PPARD: variants seen among roughly 807,000 people sequenced by gnomAD.
The protein encoded by PPARD is peroxisome proliferator-activated receptor delta.
PPARD carries 6 observed loss-of-function variants against 39.5 expected under a neutral mutation model. That is an observed-to-expected ratio of 0.15 (90% CI 0.08 to 0.30). The LOEUF (loss-of-function observed/expected upper bound fraction) is 0.30, where lower values mean the gene tolerates loss of function less well. Among genes scored for constraint, PPARD ranks in the 10% least tolerant of loss-of-function variants. PPARD has a pLI of 1.00. For missense variants in PPARD, 397 were observed against 596.8 expected (o/e 0.67, Z 3.49); for synonymous variants, 210 against 231.3 (o/e 0.91, Z 0.83).
In PPARD at chr6:35,411,034, C is replaced by T. The variant is rs201208157; in HGVS notation, c.-54C>T. On this transcript the variant is annotated 5_prime_UTR_variant, in exon 3 of 8. In the 5' UTR this introduces an upstream ATG that the reference lacks. Transcript: ENST00000360694. ...AGGTCCATCTGCGTTCAGACCCAGA[C>T]GATGCCAGAGCTATGACTGGGCCTG... 3.9e-5 allele frequency: 55 copies of T among 1,422,356 alleles called. No individual in the cohort carries two copies. The Middle Eastern group carries it at 1.1e-3, about 29-fold the overall frequency. 88.1% of individuals were successfully genotyped at this position (1,422,356 alleles called of 1,614,324 possible).
At chr6:35,417,104 C>T (rs1765823023) in intron 3 of PPARD, among the ~76,000 whole-genome samples, 1 of 152,142 alleles carries the variant, frequency 6.6e-6, no homozygotes, top group East Asian at 1.9e-4. Context: ...TCAGGCAATC[C>T]TCCCACCTCA....
intron 2 of PPARD, among the ~76,000 whole-genome samples, chr6:35,360,385 G>GCCAGTCGTTA (rs1365127488): frequency 2.6e-5 from 4 of 152,180 alleles, no homozygotes; most frequent in Non-Finnish European, 5.9e-5. Context: ...TCTCCCTTAG[G>GCCAGTCGTTA]CCAGTCGTTA....
Position 35,425,033 on chromosome 6 carries a change from C to A in PPARD, c.1078+254C>A. The A allele has an allele frequency of 7.7e-7, 1 of 1,301,748 alleles. No individual in the cohort carries two copies. Among genetic ancestry groups the A allele is most frequent in the Non-Finnish European group, 9.8e-7 (1 of 1,019,878 alleles). The allele number at this position is 1,301,748 out of a possible 1,614,324, so 80.6% of individuals were successfully genotyped here. A position where few individuals can be genotyped will look rare whatever the true frequency, so the allele number is the denominator to read the frequency against. On this transcript the variant is annotated intron_variant, in intron 7 of 7. Coordinates refer to ENST00000360694, the MANE Select transcript of PPARD (RefSeq NM_006238.5). The surrounding 1 kb of genome is among the most constrained non-coding windows in gnomAD (Gnocchi z 4.5). ...CACACCTGTAATCCCAGCACTTTGGCAGGCCGAGGCGGGTGGATCACTTGA... is the reference window on the plus strand; with the variant it reads ...CACACCTGTAATCCCAGCACTTTGGAAGGCCGAGGCGGGTGGATCACTTGA...
At chr6:35,406,610 G>C (rs561647195) in intron 2 of PPARD, among the ~76,000 whole-genome samples, 1 of 152,330 alleles carries the variant, frequency 6.6e-6, no homozygotes, top group African/African-American at 2.4e-5. Flanking sequence ...GTGTCCTTGA[G>C]AGGCCACAGT....
intron 2 of PPARD, among the ~76,000 whole-genome samples, chr6:35,349,170 C>T (rs781755170): frequency 3.9e-5 from 6 of 152,086 alleles, no homozygotes; most frequent in Non-Finnish European, 8.8e-5. Flanking sequence ...GGACTACAGG[C>T]GCCCGCCACC....
intron 2 of PPARD, among the ~76,000 whole-genome samples, chr6:35,368,772 T>C (rs1381561432): frequency 6.6e-6 from 1 of 152,194 alleles, no homozygotes; most frequent in African/African-American, 2.4e-5. Context: ...AAATCTTTGA[T>C]GTTGTTTTGC....
intron 2 of PPARD, among the ~76,000 whole-genome samples, chr6:35,384,245 C>G: frequency 7.4e-6 from 1 of 135,678 alleles, no homozygotes; most frequent in East Asian, 2.3e-4. Flanking sequence ...GGCCAGCCGC[C>G]CCGTCAGGGA....
intron 2 of PPARD, among the ~76,000 whole-genome samples, chr6:35,404,702 T>C (rs1351418530): frequency 6.6e-6 from 1 of 152,160 alleles, no homozygotes; most frequent in Non-Finnish European, 1.5e-5. Context: ...GGGAGACAAC[T>C]GGACTTGGTG....
At chr6:35,407,328 G>T (rs1265337743) in intron 2 of PPARD, among the ~76,000 whole-genome samples, 5 of 151,806 alleles carry the variant, frequency 3.3e-5, no homozygotes, top group Non-Finnish European at 7.4e-5. Context: ...TGTTCTCATT[G>T]CCTCATCCCA....
chr6:35,361,823 G>A (rs949957044), intron 2 of PPARD, among the ~76,000 whole-genome samples: 2 of 152,232 alleles, frequency 1.3e-5, no homozygotes, highest in African/African-American at 4.8e-5. Flanking sequence ...ATGGGGACAG[G>A]TGGTTCTGGG....
chr6:35,424,683 A>G lies in PPARD; in HGVS notation c.982A>G (p.Ile328Val). Residue 328 changes from isoleucine (I) to valine (V), a missense_variant, in exon 7 of 8, where the codon ATT becomes GTT. Coordinates refer to ENST00000360694, the MANE Select transcript of PPARD (RefSeq NM_006238.5). This position sits in a 1 kb window ranked among gnomAD's most constrained non-coding sequence, Gnocchi z 7.1. ...RSLRKPFSDI[I>V]EPKFEFAVKF... ...CCTCCGCAAACCCTTCAGTGATATC[A>G]TTGAGCCTAAGTTTGAATTTGCTGT... The G allele has an allele frequency of 1.1e-5, 17 of 1,614,094 alleles. No homozygotes were observed. Among genetic ancestry groups the G allele is most frequent in the Non-Finnish European group, 1.4e-5 (16 of 1,180,054 alleles).
rs1761004857 is a variant in PPARD, at chr6:35,348,225, AGTGCCAACTAT to A, written c.-102+1082_-102+1092del. The A allele has an allele frequency of 7.7e-6, 4 of 519,244 alleles. No individual in the cohort carries two copies. The Admixed American group carries it at 2.6e-4, about 33-fold the overall frequency. 32.2% of individuals were successfully genotyped at this position (519,244 alleles called of 1,614,324 possible). On this transcript the variant is annotated intron_variant, in intron 2 of 7. Transcript: ENST00000360694. ...GCCCAGCCGGGAACAAATATTTTTA[AGTGCCAACTAT>A]GTGCCAGGCACTTGGGAAATGATAA...
chr6:35,383,365 G>T (rs1183810827), intron 2 of PPARD, among the ~76,000 whole-genome samples: 1 of 152,210 alleles, frequency 6.6e-6, no homozygotes, highest in African/African-American at 2.4e-5. Flanking sequence ...GCAGTGGCGT[G>T]GTCCCGGCTC....
intron 2 of PPARD, among the ~76,000 whole-genome samples, chr6:35,383,473 GTC>G: frequency 6.8e-6 from 1 of 148,054 alleles, no homozygotes; most frequent in East Asian, 2.0e-4. Flanking sequence ...AGTGAGGAGC[GTC>G]TCTGCTTGGC....
intron 2 of PPARD, among the ~76,000 whole-genome samples, chr6:35,398,363 G>C (rs776993501): frequency 6.6e-5 from 10 of 152,166 alleles, no homozygotes; most frequent in Non-Finnish European, 1.0e-4. Flanking sequence ...GGCAAAGCCA[G>C]CAAGATTCCT....
chr6:35,352,467 AG>A (rs1761323009), intron 2 of PPARD, among the ~76,000 whole-genome samples: 1 of 152,218 alleles, frequency 6.6e-6, no homozygotes, highest in Non-Finnish European at 1.5e-5. Flanking sequence ...TACAGGCGTG[AG>A]CCACCGCGCC....
chr6:35,372,333 A>G (rs1049445392), intron 2 of PPARD, among the ~76,000 whole-genome samples: 1 of 152,084 alleles, frequency 6.6e-6, no homozygotes, highest in African/African-American at 2.4e-5. Context: ...TCCCGCCACC[A>G]TGCCCGGCAA....
chr6:35,357,801 T>G (rs1761706909), intron 2 of PPARD, among the ~76,000 whole-genome samples: 1 of 152,148 alleles, frequency 6.6e-6, no homozygotes, highest in African/African-American at 2.4e-5. Context: ...CCTCCCAAAG[T>G]GCTAGTATTA....
intron 2 of PPARD, among the ~76,000 whole-genome samples, chr6:35,405,779 G>A (rs1026833049): frequency 1.8e-4 from 27 of 151,612 alleles, no homozygotes; most frequent in African/African-American, 5.6e-4. Flanking sequence ...ACAGGCGTGC[G>A]CCACCATGCC....
Sources: allele counts gnomAD v4.1 joint callset (sites outside exome capture counted in the v4.1 genomes callset), GRCh38; gene constraint gnomAD v4.1.1; non-coding constraint Gnocchi (gnomAD v3.1); transcripts MANE v1.5; gene names NCBI Gene and HGNC (gene_info 2026-07-23, HGNC 2026-07-21).